The following FAM178B variants were observed in gnomAD, a reference collection of about 807,000 sequenced individuals.
FAM178B encodes the protein family with sequence similarity 178 member B, also known as protein FAM178B.
Under a neutral mutation model 91.7 loss-of-function variants are expected in FAM178B, and 82 were observed. The observed-to-expected ratio is 0.89, with a 90% CI of 0.75 to 1.07. The LOEUF is 1.07. Ranked by LOEUF, FAM178B falls within the 50% of genes least tolerant of loss-of-function variation. FAM178B has a pLI of 0.00. For missense variants in FAM178B, 769 were observed against 846.7 expected (o/e 0.91, Z 1.14); for synonymous variants, 368 against 359.4 (o/e 1.02, Z -0.27).
At chr2:96,882,784 A>G (rs1461843538) in intron 14 of FAM178B, among the ~76,000 whole-genome samples, 1 of 152,256 alleles carries the variant, frequency 6.6e-6, no homozygotes, top group Non-Finnish European at 1.5e-5. Flanking sequence ...ACACTTGTCC[A>G]GGCCTCAGAA....
intron 1 of FAM178B, among the ~76,000 whole-genome samples, chr2:96,980,137 G>A (rs189722367): frequency 9.1e-4 from 138 of 151,430 alleles, no homozygotes; most frequent in African/African-American, 3.0e-3. Flanking sequence ...GCAGTAGTGC[G>A]CAATCTTGGC....
chr2:96,978,021 GA>G (rs1574326829), intron 1 of FAM178B: 18 of 403,528 alleles, frequency 4.5e-5, no homozygotes, highest in Non-Finnish European at 5.9e-5. Context: ...ATTGCTAACG[GA>G]AAAAAAATGA....
In FAM178B at chr2:96,921,489, A is replaced by G. The variant is rs886667168; in HGVS notation, c.1453T>C (p.Trp485Arg). ...LLLLLENIRE[W>R]PGKLQELCCT... ...TGGGCGTCTAGTACCTTCCCTGGCC[A>G]CTCCCGGATGTTCTCCAGGAGCAAG... Residue 485 changes from tryptophan (W) to arginine (R), a missense_variant, in exon 11 of 17, where the codon TGG becomes CGG. Transcript: ENST00000490605. 3.5e-5 allele frequency: 54 copies of G among 1,551,356 alleles called. No homozygotes were observed. In the Middle Eastern group the frequency reaches 6.7e-4, roughly 19 times the overall value.
intron 12 of FAM178B, among the ~76,000 whole-genome samples, chr2:96,906,424 AC>A (rs1189646988): frequency 1.3e-5 from 2 of 152,018 alleles, no homozygotes; most frequent in Non-Finnish European, 2.9e-5. Flanking sequence ...GTGTCTAGCA[AC>A]CCTGAGAGGG....
chr2:96,879,479 C>G (rs1339872708), intron 14 of FAM178B, among the ~76,000 whole-genome samples: 2 of 152,264 alleles, frequency 1.3e-5, no homozygotes, highest in Non-Finnish European at 2.9e-5. Flanking sequence ...CTTCTTTGCA[C>G]AGGCCCAGGA....
intron 13 of FAM178B, 66 bp downstream of exon 13, chr2:96,902,554 T>C (rs1362826834): frequency 3.5e-6 from 4 of 1,142,328 alleles, no homozygotes; most frequent in Non-Finnish European, 5.2e-6. Context: ...GTTCCTGGCC[T>C]TTGGGGAAAG....
intron 14 of FAM178B, among the ~76,000 whole-genome samples, chr2:96,884,256 G>A (rs2080462458): frequency 6.6e-6 from 1 of 152,214 alleles, no homozygotes. Flanking sequence ...GGCAGGTCTG[G>A]CCCAAGAGCA....
intron 1 of FAM178B, among the ~76,000 whole-genome samples, chr2:96,981,740 CAA>C (rs377081384): frequency 0.013 from 238 of 18,700 alleles, 3 homozygotes; most frequent in East Asian, 0.11. Context: ...GACTCCGTCT[CAA>C]AAAAAAAAAA....
chr2:96,985,296 G>T (rs2082408609), intron 1 of FAM178B, among the ~76,000 whole-genome samples: 1 of 152,158 alleles, frequency 6.6e-6, no homozygotes, highest in East Asian at 1.9e-4. Context: ...GTTCAGGACT[G>T]AAGTCGTCTT....
At chr2:96,887,202 G>A (rs928639611) in intron 14 of FAM178B, among the ~76,000 whole-genome samples, 5 of 150,158 alleles carry the variant, frequency 3.3e-5, no homozygotes, top group African/African-American at 1.2e-4. Flanking sequence ...GCAACACAGC[G>A]AGACTCTATC....
At chr2:96,880,733 T>C (rs1288483625) in intron 14 of FAM178B, among the ~76,000 whole-genome samples, 1 of 152,194 alleles carries the variant, frequency 6.6e-6, no homozygotes, top group African/African-American at 2.4e-5. Flanking sequence ...TAGCTGGGAC[T>C]ACAGGCGCCC....
intron 13 of FAM178B, among the ~76,000 whole-genome samples, chr2:96,901,346 GT>G (rs1258180640): frequency 6.8e-6 from 1 of 148,054 alleles, no homozygotes; most frequent in South Asian, 2.1e-4. Context: ...CTAATTTTTT[GT>G]TTTTTTAGTA....
chr2:96,939,481 G>T (rs1430453972), intron 8 of FAM178B, among the ~76,000 whole-genome samples: 2 of 152,202 alleles, frequency 1.3e-5, no homozygotes, highest in African/African-American at 2.4e-5. Context: ...GGGCGACAGA[G>T]TGAGACTCCA....
chr2:96,968,826 A>T (rs959574310), intron 4 of FAM178B, among the ~76,000 whole-genome samples: 9 of 152,144 alleles, frequency 5.9e-5, no homozygotes, highest in African/African-American at 1.9e-4. Flanking sequence ...CCCATGACTC[A>T]GCCTTGTGTC....
chr2:96,966,484 G>A (rs187863439), intron 5 of FAM178B, among the ~76,000 whole-genome samples: 132 of 146,702 alleles, frequency 9.0e-4, no homozygotes, highest in African/African-American at 2.8e-3. Flanking sequence ...GCTTGTCTCC[G>A]GAAGGAAAGC....
rs761762152 is a variant in FAM178B, at chr2:96,971,984, A to C, written c.481T>G (p.Leu161Val). ...PEELEQEHLD[L>V]DPKRGLALPE... ...AAGGCCAGGCCCCTCTTCGGGTCCA[A>C]GTCCAGGTGTTCCTGCTCCAACTCC... The change falls in exon 3 of 17, where the codon TTG (leucine) becomes GTG (valine). Residue 161 changes from leucine (L) to valine (V), a missense_variant. Physicochemically the swap from Leu to Val is conservative, Grantham distance 32. Coordinates refer to ENST00000490605, the MANE Select transcript of FAM178B (RefSeq NM_001122646.3). The C allele has an allele frequency of 6.4e-7, 1 of 1,562,742 alleles. No homozygotes were observed. The highest frequency in any genetic ancestry group is 1.2e-5 in the South Asian group (1 of 84,748).
At chr2:96,906,077 G>C (rs1482662985) in intron 12 of FAM178B, among the ~76,000 whole-genome samples, 1 of 149,022 alleles carries the variant, frequency 6.7e-6, no homozygotes, top group African/African-American at 2.5e-5. Context: ...CTCCATGTTG[G>C]TCAGGCTGGT....
intron 9 of FAM178B, among the ~76,000 whole-genome samples, chr2:96,924,233 C>A (rs917318921): frequency 1.4e-4 from 22 of 152,214 alleles, no homozygotes; most frequent in Non-Finnish European, 5.9e-5. Flanking sequence ...TCCGTGAGTT[C>A]TCCCTGGGTC....
At chr2:96,880,664 C>T (rs565973089) in intron 14 of FAM178B, among the ~76,000 whole-genome samples, 17 of 152,146 alleles carry the variant, frequency 1.1e-4, no homozygotes, top group South Asian at 1.0e-3. Context: ...GCGCAATCTC[C>T]GCTCACTGCA....
Sources: gnomAD v4.1 joint callset for allele counts (sites outside exome capture counted in the v4.1 genomes callset) on GRCh38, gnomAD v4.1.1 for gene constraint, MANE v1.5 for transcripts, NCBI Gene and HGNC (gene_info 2026-07-23, HGNC 2026-07-21) for gene names.